Variants in ZFHX3 observed in about 807,000 individuals in gnomAD.
The protein encoded by ZFHX3 is zinc finger homeobox protein 3.
ZFHX3 carries 42 observed loss-of-function variants against 279.1 expected under a neutral mutation model. The observed-to-expected ratio is 0.15, with a 90% confidence interval of 0.12 to 0.19. ZFHX3 has a LOEUF of 0.19. ZFHX3 is among the 10% of genes least tolerant of loss of function. ZFHX3 has a pLI of 1.00. For synonymous variants in ZFHX3, 2,293 were observed against 1,957.8 expected (o/e 1.17, Z -4.52); for missense variants, 4,981 against 4,754.0 (o/e 1.05, Z -1.40).
intron 2 of ZFHX3, among the ~76,000 whole-genome samples, chr16:73,500,960 G>A (rs825848): frequency 0.24 from 37,146 of 152,208 alleles, 5,333 homozygotes; most frequent in East Asian, 0.58. Context: ...GGCCTAGGCC[G>A]TCACACTCAC....
chr16:73,602,760 C>T (rs1335737667), intron 2 of ZFHX3, among the ~76,000 whole-genome samples: 1 of 151,552 alleles, frequency 6.6e-6, no homozygotes, highest in Non-Finnish European at 1.5e-5. Context: ...GCCTGGCCAA[C>T]ATGGTGAAAC....
intron 3 of ZFHX3, among the ~76,000 whole-genome samples, chr16:73,335,717 G>A (rs1057351267): frequency 2.4e-4 from 36 of 152,164 alleles, no homozygotes; most frequent in African/African-American, 8.7e-4. Flanking sequence ...ATGAGCTTTT[G>A]TGATTTGAAT....
chr16:73,021,809 T>C (rs549624477), intron 1 of ZFHX3, among the ~76,000 whole-genome samples: 27 of 120,378 alleles, frequency 2.2e-4, no homozygotes, highest in Non-Finnish European at 4.2e-4. Context: ...CCAGCCTGGG[T>C]GACAAAGCGA....
At chr16:73,004,935 A>T (rs1216574540) in intron 1 of ZFHX3, among the ~76,000 whole-genome samples, 1 of 152,212 alleles carries the variant, frequency 6.6e-6, no homozygotes, top group African/African-American at 2.4e-5. Context: ...GCTATGAAAA[A>T]TGGCTCTAAC....
intron 4 of ZFHX3, among the ~76,000 whole-genome samples, chr16:72,839,999 G>C (rs1446898539): frequency 6.6e-6 from 1 of 152,038 alleles, no homozygotes; most frequent in African/African-American, 2.4e-5. Flanking sequence ...AGACAAGACA[G>C]ATAAACACAC....
chr16:73,158,037 G>C (rs1050385812), intron 5 of ZFHX3, among the ~76,000 whole-genome samples: 3 of 152,096 alleles, frequency 2.0e-5, no homozygotes, highest in Non-Finnish European at 4.4e-5. Context: ...AGGAAAGGGA[G>C]GGTCACATTT....
chr16:73,342,890 T>C (rs2016059899), intron 3 of ZFHX3, among the ~76,000 whole-genome samples: 1 of 152,146 alleles, frequency 6.6e-6, no homozygotes, highest in Admixed American at 6.5e-5. Context: ...ACAGTGACAC[T>C]GTGTGGGGGC....
At chr16:73,756,379 C>A (rs1388146322) in intron 1 of ZFHX3, among the ~76,000 whole-genome samples, 1 of 152,122 alleles carries the variant, frequency 6.6e-6, no homozygotes, top group East Asian at 1.9e-4. Context: ...CTGACACGGG[C>A]TAGAATGGAT....
chr16:73,733,092 T>A (rs995959305), intron 1 of ZFHX3, among the ~76,000 whole-genome samples: 6 of 90,690 alleles, frequency 6.6e-5, no homozygotes, highest in Non-Finnish European at 2.4e-5. Flanking sequence ...GCCACAAAAA[T>A]AAGCATTGAA....
chr16:73,619,500 T>TTATATATATATATATATATATATATATA (rs1555528593), intron 2 of ZFHX3, among the ~76,000 whole-genome samples: 2 of 131,734 alleles, frequency 1.5e-5, no homozygotes, highest in African/African-American at 6.0e-5. Context: ...AAAAAAAAAA[T>TTATATATATATATATATATATATATATA]TATATATATA....
At chr16:72,914,019 G>A (rs571073273) in intron 3 of ZFHX3, among the ~76,000 whole-genome samples, 1 of 152,206 alleles carries the variant, frequency 6.6e-6, no homozygotes, top group East Asian at 1.9e-4. Context: ...GAACCAAGAG[G>A]TTAAATCACT....
At chr16:73,419,812 C>G (rs1041869602) in intron 3 of ZFHX3, among the ~76,000 whole-genome samples, 4 of 151,964 alleles carry the variant, frequency 2.6e-5, no homozygotes, top group Non-Finnish European at 5.9e-5. Flanking sequence ...GGTGTTGATA[C>G]TTTTTGAATC....
At chr16:72,895,124 C>CGCGCACACACATGT (rs2038867202) in intron 3 of ZFHX3, among the ~76,000 whole-genome samples, 2 of 152,166 alleles carry the variant, frequency 1.3e-5, no homozygotes, top group African/African-American at 4.8e-5. Flanking sequence ...ACTGCATGCA[C>CGCGCACACACATGT]GCGCACACAC....
At chr16:73,704,548 A>G (rs2053285516) in intron 1 of ZFHX3, among the ~76,000 whole-genome samples, 1 of 152,194 alleles carries the variant, frequency 6.6e-6, no homozygotes, top group African/African-American at 2.4e-5. Context: ...ACTGCTACCA[A>G]TGGGCTCACG....
intron 2 of ZFHX3, among the ~76,000 whole-genome samples, chr16:73,673,988 T>C (rs993648590): frequency 6.6e-6 from 1 of 152,138 alleles, no homozygotes; most frequent in African/African-American, 2.4e-5. Context: ...GATTGGCTAC[T>C]ACACAAAAAG....
chr16:73,504,808 T>G, intron 2 of ZFHX3: 1 of 150,752 alleles, frequency 6.6e-6, no homozygotes, highest in South Asian at 2.1e-4. Context: ...CTGGAGTGCT[T>G]GGTTGGGGGG....
chr16:73,798,551 A>C (rs2142323225), intron 1 of ZFHX3, among the ~76,000 whole-genome samples: 1 of 151,238 alleles, frequency 6.6e-6, no homozygotes, highest in East Asian at 1.9e-4. Context: ...CCAAAGCTTC[A>C]GTGCAATCTA....
chr16:73,712,679 C>T (rs1456855875), intron 1 of ZFHX3, among the ~76,000 whole-genome samples: 3 of 152,178 alleles, frequency 2.0e-5, no homozygotes, highest in African/African-American at 7.2e-5. Flanking sequence ...GGAGCATATT[C>T]TCTCCACAGT....
chr16:73,308,891 T>C (rs1159038576), intron 4 of ZFHX3, among the ~76,000 whole-genome samples: 1 of 151,404 alleles, frequency 6.6e-6, no homozygotes, highest in African/African-American at 2.4e-5. Flanking sequence ...TACAAAATTA[T>C]ATGACATGAT....
Sources: gnomAD v4.1 joint callset for allele counts (sites outside exome capture counted in the v4.1 genomes callset) on GRCh38, gnomAD v4.1.1 for gene constraint, MANE v1.5 for transcripts, NCBI Gene and HGNC (gene_info 2026-07-23, HGNC 2026-07-21) for gene names.